The following ARHGAP24 variants were observed in gnomAD, a reference collection of about 807,000 sequenced individuals.
The protein encoded by ARHGAP24 is Rho GTPase activating protein 24.
ARHGAP24 carries 50 observed loss-of-function variants against 76.4 expected under a neutral mutation model. The ratio of observed to expected loss-of-function variants is 0.65; its 90% CI spans 0.52 to 0.83. ARHGAP24 has a LOEUF of 0.83. Among genes scored for constraint, ARHGAP24 ranks in the 40% least tolerant of loss-of-function variants. The probability of loss-of-function intolerance (pLI) is 0.00; values close to 1 mark genes in which losing one functional copy is unlikely to be tolerated. For missense variants in ARHGAP24, 930 were observed against 914.2 expected (o/e 1.02, Z -0.22); for synonymous variants, 345 against 323.3 (o/e 1.07, Z -0.72).
intron 2 of ARHGAP24, among the ~76,000 whole-genome samples, chr4:85,645,500 G>C (rs1578104264): frequency 2.6e-5 from 4 of 152,060 alleles, no homozygotes; most frequent in Admixed American, 2.6e-4. Context: ...AATATGAAGA[G>C]ATATCTTTGT....
At chr4:85,704,020 T>C (rs1724205521) in intron 2 of ARHGAP24, among the ~76,000 whole-genome samples, 2 of 152,164 alleles carry the variant, frequency 1.3e-5, no homozygotes, top group Admixed American at 6.5e-5. Flanking sequence ...TATTATGCAA[T>C]CTATAGCATG....
chr4:85,630,566 C>A (rs1721126068), intron 2 of ARHGAP24, among the ~76,000 whole-genome samples: 1 of 152,124 alleles, frequency 6.6e-6, no homozygotes, highest in South Asian at 2.1e-4. Context: ...CTGTGAAGGG[C>A]TTACAGCTGG....
chr4:85,523,026 G>T (rs1342597718), intron 1 of ARHGAP24, among the ~76,000 whole-genome samples: 2 of 152,126 alleles, frequency 1.3e-5, no homozygotes, highest in Non-Finnish European at 2.9e-5. Context: ...CTCTTTGGTG[G>T]CTAACACGCT....
In ARHGAP24 at chr4:85,550,974, A is replaced by G. The variant is rs373428790; in HGVS notation, c.-20-19548A>G. Among the ~76,000 whole-genome samples the G allele has an allele frequency of 9.2e-4, 139 of 151,620 alleles. 2 individuals are homozygous for G. Among genetic ancestry groups the G allele is most frequent in the Middle Eastern group, 6.8e-3 (2 of 294 alleles). ...ATAGGAATAGAATCATATCATCTGCAAACAGCAATAGTTTGATGGTCTCTC... is the reference window on the plus strand; with the variant it reads ...ATAGGAATAGAATCATATCATCTGCGAACAGCAATAGTTTGATGGTCTCTC... On this transcript the variant is annotated intron_variant, in intron 1 of 9. Coordinates refer to ENST00000395184, the MANE Select transcript of ARHGAP24 (RefSeq NM_001025616.3).
At chr4:85,939,022 C>T (rs1375183571) in intron 4 of ARHGAP24, among the ~76,000 whole-genome samples, 5 of 152,144 alleles carry the variant, frequency 3.3e-5, no homozygotes, top group East Asian at 1.9e-4. Flanking sequence ...GATATCCCAC[C>T]GCCTCGAACA....
chr4:85,661,143 T>C (rs77983287), intron 2 of ARHGAP24, among the ~76,000 whole-genome samples: 4,462 of 152,304 alleles, frequency 0.029, 203 homozygotes, highest in African/African-American at 0.1. Context: ...ATAAAAGTGA[T>C]GTGGGTGATT....
chr4:85,789,822 G>C (rs1423586669), intron 3 of ARHGAP24, among the ~76,000 whole-genome samples: 1 of 152,138 alleles, frequency 6.6e-6, no homozygotes, highest in African/African-American at 2.4e-5. Flanking sequence ...GAATCTTCTT[G>C]AGAAGTCCTA....
chr4:85,497,253 A>G (rs1220034140), intron 1 of ARHGAP24, among the ~76,000 whole-genome samples: 1 of 152,212 alleles, frequency 6.6e-6, no homozygotes, highest in Non-Finnish European at 1.5e-5. Context: ...GTACAAAATC[A>G]TGTGCTTTGG....
intron 2 of ARHGAP24, among the ~76,000 whole-genome samples, chr4:85,706,976 G>A (rs1462456791): frequency 1.3e-5 from 2 of 152,026 alleles, no homozygotes; most frequent in Admixed American, 1.3e-4. Flanking sequence ...GTGCAGTCGT[G>A]CTATCATAGC....
intron 2 of ARHGAP24, 135 bp downstream of exon 2, chr4:85,570,856 T>C (rs1578045171): frequency 1.9e-6 from 2 of 1,026,510 alleles, no homozygotes; most frequent in East Asian, 5.2e-5. Flanking sequence ...TTTCACCCTT[T>C]TACCCATTGC....
chr4:85,521,425 A>C (rs1007076631), intron 1 of ARHGAP24, among the ~76,000 whole-genome samples: 1 of 152,172 alleles, frequency 6.6e-6, no homozygotes, highest in African/African-American at 2.4e-5. Flanking sequence ...TATATATTAC[A>C]TCATACCTTC....
rs117491811 is a variant in ARHGAP24 at position 85,668,147 on chromosome 4, A to G, written c.181-53738A>G. ...AACAAGAAACAGAAGAAGTCAGAGT[A>G]TAATGAGTTCCTTATTAAACTACAC... On this transcript the variant is annotated intron_variant, in intron 2 of 9. Transcript: ENST00000395184. Among the ~76,000 whole-genome samples the G allele has an allele frequency of 5.1e-4, 77 of 152,374 alleles. No homozygotes were observed. In the East Asian group the frequency reaches 8.1e-3, roughly 16 times the overall value.
At chr4:85,838,467 T>C (rs989563651) in intron 3 of ARHGAP24, among the ~76,000 whole-genome samples, 2 of 151,992 alleles carry the variant, frequency 1.3e-5, no homozygotes, top group South Asian at 2.1e-4. Context: ...GTCATGGTGG[T>C]GGGCGCCTGT....
intron 3 of ARHGAP24, among the ~76,000 whole-genome samples, chr4:85,810,006 ATAT>A (rs1240410454): frequency 2.6e-5 from 4 of 152,250 alleles, no homozygotes; most frequent in Non-Finnish European, 5.9e-5. Context: ...CATTTGTAAC[ATAT>A]TATGAAATCA....
intron 3 of ARHGAP24, among the ~76,000 whole-genome samples, chr4:85,790,190 C>T (rs1242643610): frequency 6.6e-6 from 1 of 152,110 alleles, no homozygotes; most frequent in East Asian, 1.9e-4. Flanking sequence ...GAAAGCACTG[C>T]TTTAAGTCAT....
In ARHGAP24 at chr4:85,614,142, A is replaced by G. The variant is rs183850593; in HGVS notation, c.180+43421A>G. 7.4e-3 allele frequency among the ~76,000 whole-genome samples: 1,134 copies of G among 152,314 alleles called. 14 individuals are homozygous for G. Among genetic ancestry groups the G allele is most frequent in the African/African-American group, 0.026 (1,081 of 41,580 alleles). ...CACAAACATGAAGAACTCTGTCATC[A>G]CTGTTCATAAAACAGTCTCCAAGAA... On this transcript the variant is annotated intron_variant, in intron 2 of 9. Coordinates refer to ENST00000395184, the MANE Select transcript of ARHGAP24 (RefSeq NM_001025616.3).
At chr4:85,603,322 C>CT (rs1384486461) in intron 2 of ARHGAP24, among the ~76,000 whole-genome samples, 1 of 152,130 alleles carries the variant, frequency 6.6e-6, no homozygotes, top group Non-Finnish European at 1.5e-5. Flanking sequence ...GACTGTTATT[C>CT]TTTTTCCTAT....
At chr4:85,569,615 C>T (rs1726994987) in intron 1 of ARHGAP24, among the ~76,000 whole-genome samples, 1 of 152,210 alleles carries the variant, frequency 6.6e-6, no homozygotes, top group Admixed American at 6.5e-5. Context: ...GTGCACACCA[C>T]ACCCTCCTGA....
chr4:85,779,879 T>C (rs1727461639), intron 3 of ARHGAP24, among the ~76,000 whole-genome samples: 1 of 152,194 alleles, frequency 6.6e-6, no homozygotes, highest in Non-Finnish European at 1.5e-5. Context: ...AGGGTTTCAA[T>C]ATATGTGAAT....
Sources: allele counts gnomAD v4.1 joint callset (sites outside exome capture counted in the v4.1 genomes callset), GRCh38; gene constraint gnomAD v4.1.1; transcripts MANE v1.5; gene names NCBI Gene and HGNC (gene_info 2026-07-23, HGNC 2026-07-21).